AGAP4: variants seen among roughly 807,000 people sequenced by gnomAD.
AGAP4 encodes arf-GAP with GTPase, ANK repeat and PH domain-containing protein 4.
Under a neutral mutation model 60.7 loss-of-function variants are expected in AGAP4, and 13 were observed. The ratio of observed to expected loss-of-function variants is 0.21; its 90% CI spans 0.14 to 0.34. The LOEUF is 0.34. Ranked by LOEUF, AGAP4 falls within the 10% of genes least tolerant of loss-of-function variation. AGAP4 has a pLI of 1.00. For synonymous variants in AGAP4, 70 were observed against 339.0 expected (o/e 0.21, Z 8.72); for missense variants, 169 against 884.0 (o/e 0.19, Z 10.26).
chr10:45,831,665 A>T (rs1299826985), intron 5 of AGAP4, among the ~76,000 whole-genome samples: 1 of 122,184 alleles, frequency 8.2e-6, no homozygotes, highest in Non-Finnish European at 1.8e-5. Flanking sequence ...TGATTACAAT[A>T]TATAAATAAT....
chr10:45,826,508 C>G lies in AGAP4; in HGVS notation c.1468G>C (p.Ala490Pro), dbSNP rs2058650543. The change falls in exon 8 of 8, where the codon GCC becomes CCC. Residue 490 changes from alanine to proline, a missense_variant. Physicochemically the swap from Ala to Pro is conservative, Grantham distance 27 (BLOSUM62 -1). Transcript: ENST00000616763. ...VDCETQNPKW[A>P]SLNLGVLMCI... Reference sequence around the variant, plus strand: ...ATGAGGACTCCCAAGTTCAAACTGGCCCACTTAGGATTCTGGGTCTCACAG... The same window carrying G: ...ATGAGGACTCCCAAGTTCAAACTGGGCCACTTAGGATTCTGGGTCTCACAG... 1 of 1,600,210 alleles carries G rather than the reference C, an allele frequency of 6.2e-7. No individual in the cohort carries two copies. The highest frequency in any genetic ancestry group is 1.7e-5 in the Admixed American group (1 of 59,004).
chr10:45,843,035 G>A (rs1350567633), intron 3 of AGAP4, among the ~76,000 whole-genome samples: 1 of 85,442 alleles, frequency 1.2e-5, no homozygotes, highest in Non-Finnish European at 2.3e-5. Context: ...GGTGGCTGAA[G>A]CCTGTAATCC....
chr10:45,827,126 TG>T lies in AGAP4; in HGVS notation c.849del (p.Ile284LeufsTer7). The stretch of plus-strand genomic sequence containing the variant: ...CGCTTTAAGAGCATGCCCTGTTTAA[TG>T]GGGATGGCTCTGCCGCTCCCGATGG... Reference protein sequence around the residue: ...ADTIGSGRAIPIKQGMLLKRS... With the variant: ...ADTIGSGRAIXIKQGMLLKRS... On this transcript the variant is annotated frameshift_variant, in exon 8 of 8. Transcript: ENST00000616763. LOFTEE classifies it high-confidence loss of function. The T allele has an allele frequency of 8.7e-7, 1 of 1,144,364 alleles. No individual in the cohort carries two copies. Among genetic ancestry groups the T allele is most frequent in the Non-Finnish European group, 1.2e-6 (1 of 812,178 alleles). 70.9% of individuals were successfully genotyped at this position (1,144,364 alleles called of 1,614,324 possible). A position where few individuals can be genotyped will look rare whatever the true frequency, so the allele number is the denominator to read the frequency against.
upstream of AGAP4, among the ~76,000 whole-genome samples, chr10:45,850,158 A>T (rs1215526382): frequency 6.6e-6 from 1 of 151,316 alleles, no homozygotes; most frequent in Non-Finnish European, 1.5e-5. Context: ...CGAACTCCTG[A>T]CCTCAGGTGA....
chr10:45,847,419 G>A lies in AGAP4; in HGVS notation c.-72C>T, dbSNP rs2059018273. 1 of 1,543,680 alleles carries A rather than the reference G, an allele frequency of 6.5e-7. No individual in the cohort carries two copies. Among genetic ancestry groups the A allele is most frequent in the Non-Finnish European group, 8.7e-7 (1 of 1,151,308 alleles). On this transcript the variant is annotated 5_prime_UTR_variant, in exon 1 of 8. Transcript: ENST00000616763. ...TTGGCCACGCACTCCCGCTGTCCTA[G>A]GCCGAGGCTATGCTGCACTTGCAGA...
At chr10:45,850,772 C>T (rs2059073646), upstream of AGAP4, among the ~76,000 whole-genome samples, 1 of 151,966 alleles carries the variant, frequency 6.6e-6, no homozygotes, top group African/African-American at 2.4e-5. Flanking sequence ...GTAGCAGTGC[C>T]TTCCTCCTGG....
intron 3 of AGAP4, among the ~76,000 whole-genome samples, chr10:45,844,068 A>G (rs2135960307): frequency 6.6e-6 from 1 of 150,716 alleles, no homozygotes; most frequent in South Asian, 2.1e-4. Context: ...TATAAAGAGA[A>G]ATCCATGACT....
At chr10:45,834,687 A>AAG (rs2058786508) in intron 4 of AGAP4, among the ~76,000 whole-genome samples, 1 of 125,728 alleles carries the variant, frequency 8.0e-6, no homozygotes, top group Non-Finnish European at 1.6e-5. Flanking sequence ...AAAAAAAAAA[A>AAG]AAAAAAAAAA....
chr10:45,847,905 C>T (rs2059026132), upstream of AGAP4: 1 of 1,083,024 alleles, frequency 9.2e-7, no homozygotes, highest in African/African-American at 1.7e-5. Context: ...TCGTGCAGTG[C>T]CATTGGGACT....
At chr10:45,836,197 CT>C (rs1554897826) in intron 4 of AGAP4, among the ~76,000 whole-genome samples, 1 of 150,480 alleles carries the variant, frequency 6.6e-6, no homozygotes, top group African/African-American at 2.4e-5. Flanking sequence ...CATCTTTCAC[CT>C]CCTTGGTTAG....
upstream of AGAP4, chr10:45,847,629 A>C (rs1352220773): frequency 7.2e-7 from 1 of 1,394,552 alleles, no homozygotes; most frequent in African/African-American, 1.5e-5. Flanking sequence ...TGTGAACCCA[A>C]CAAGTGCTGA....
In AGAP4 at chr10:45,847,278, C is replaced by G; in HGVS notation, c.70G>C (p.Val24Leu). 1 of 1,597,808 alleles carries G rather than the reference C, an allele frequency of 6.3e-7. No homozygotes were observed. The highest frequency in any genetic ancestry group is 8.5e-7 in the Non-Finnish European group (1 of 1,179,786). The change falls in exon 1 of 8, where the codon GTG becomes CTG. Residue 24 changes from valine to leucine, a missense_variant. Physicochemically the swap from Val to Leu is conservative, Grantham distance 32 (BLOSUM62 1). Coordinates refer to ENST00000616763, the MANE Select transcript of AGAP4 (RefSeq NM_001276343.3). ...SLEFDQQQGS[V>L]CPSESEIYEA... ...TAGATCTCAGATTCAGAGGGACACA[C>G]CGACCCCTGCTGCTGGTCAAACTCG... is the stretch of plus-strand genomic sequence containing the variant.
At chr10:45,838,749 A>C (rs1300500090) in intron 4 of AGAP4, among the ~76,000 whole-genome samples, 7 of 151,544 alleles carry the variant, frequency 4.6e-5, no homozygotes, top group Non-Finnish European at 7.4e-5. Flanking sequence ...TTGTTATTTA[A>C]CCTTTTTGTA....
At chr10:45,844,817 TA>T (rs1201783770) in intron 2 of AGAP4, among the ~76,000 whole-genome samples, 2 of 145,414 alleles carry the variant, frequency 1.4e-5, no homozygotes, top group Admixed American at 6.9e-5. Flanking sequence ...TTAAAATTTT[TA>T]AAAAGTAAAT....
intron 4 of AGAP4, among the ~76,000 whole-genome samples, chr10:45,838,744 A>G (rs1395913097): frequency 1.3e-5 from 2 of 151,506 alleles, no homozygotes; most frequent in African/African-American, 4.9e-5. Flanking sequence ...CTAATTTGTT[A>G]TTTAACCTTT....
intron 4 of AGAP4, among the ~76,000 whole-genome samples, chr10:45,838,147 C>T (rs1294232017): frequency 1.3e-5 from 2 of 149,904 alleles, no homozygotes; most frequent in African/African-American, 5.0e-5. Flanking sequence ...GCATTCCCAG[C>T]AACCTGGATG....
rs2058683129 is a variant in AGAP4, at chr10:45,828,655, C to A, written c.534-575G>T. On this transcript the variant is annotated intron_variant, in intron 6 of 7. Transcript: ENST00000616763. The stretch of plus-strand genomic sequence containing the variant: ...GGACCTCTCGGGATCCCGAAGACCC[C>A]TTCCAGAAGGCCTAAGAGGTCATAA... Among the ~76,000 whole-genome samples, 2 of 143,708 alleles carry A rather than the reference C, an allele frequency of 1.4e-5. 1 individual carries two copies. Among genetic ancestry groups the A allele is most frequent in the Middle Eastern group, 7.5e-3 (2 of 268 alleles). 94.3% of individuals were successfully genotyped at this position (143,708 alleles called of 152,430 possible).
In AGAP4 at chr10:45,827,385, G is replaced by T; in HGVS notation, c.591C>A (p.Ser197=). The T allele has an allele frequency of 6.3e-7, 1 of 1,593,338 alleles. No homozygotes were observed. Among genetic ancestry groups the T allele is most frequent in the East Asian group, 2.2e-5 (1 of 44,614 alleles). ...TTCTTTTCTTCATAATGTGCACGGT[G>T]GAAACCTGTGTGGAACAGAAGGAGG... is the stretch of plus-strand genomic sequence containing the variant. ...PDEQLHSFAV[S]TVHIMKKRNG... is the part of the protein sequence containing the mutation. The change falls in exon 8 of 8, where the codon TCC becomes TCA. Residue 197 remains serine, a synonymous_variant. Coordinates refer to ENST00000616763, the MANE Select transcript of AGAP4 (RefSeq NM_001276343.3).
intron 6 of AGAP4, among the ~76,000 whole-genome samples, chr10:45,830,199 GTCGC>G (rs1312279926): frequency 4.6e-4 from 69 of 148,890 alleles, no homozygotes; most frequent in African/African-American, 1.6e-3. Flanking sequence ...TTGAGACAGA[GTCGC>G]TCTCTGTCAC....
Sources: allele counts gnomAD v4.1 joint callset (sites outside exome capture counted in the v4.1 genomes callset), GRCh38; gene constraint gnomAD v4.1.1; transcripts MANE v1.5; gene names NCBI Gene and HGNC (gene_info 2026-07-23, HGNC 2026-07-21).